The following NOTCH2 variants were observed in gnomAD, a reference collection of about 807,000 sequenced individuals.
The protein encoded by NOTCH2 is neurogenic locus notch homolog protein 2.
A neutral mutation model predicts 235.8 loss-of-function variants in NOTCH2; 29 were observed. The observed-to-expected ratio is 0.12, with a 90% confidence interval of 0.09 to 0.17. The LOEUF is 0.17. NOTCH2 is among the 10% of genes least tolerant of loss of function. NOTCH2 has a pLI of 1.00. For missense variants in NOTCH2, 2,285 were observed against 3,150.2 expected, an observed-to-expected ratio of 0.73 and a Z score of 6.57; for synonymous variants, 1,086 against 1,141.5, an observed-to-expected ratio of 0.95 and a Z score of 0.98.
intron 24 of NOTCH2, among the ~76,000 whole-genome samples, chr1:119,926,140 T>C (rs1649464598): frequency 6.6e-6 from 1 of 152,190 alleles, no homozygotes; most frequent in South Asian, 2.1e-4. Context: ...TGGCCCAATC[T>C]GGGCAGTGAG....
At chr1:119,955,907 AGTT>A (rs1553198325) in intron 12 of NOTCH2, among the ~76,000 whole-genome samples, 1 of 152,176 alleles carries the variant, frequency 6.6e-6, no homozygotes, top group African/African-American at 2.4e-5. Flanking sequence ...CATCACTTTA[AGTT>A]GTTATTTTAA....
At position 120,069,571 on chromosome 1, in the gene NOTCH2, C is replaced by A; in HGVS notation, c.-165G>T. The A allele has an allele frequency of 2.1e-6, 3 of 1,410,584 alleles. No individual in the cohort carries two copies. The highest frequency in any genetic ancestry group is 2.9e-5 in the East Asian group (1 of 34,758). The allele number at this position is 1,410,584 out of a possible 1,614,324, so 87.4% of individuals were successfully genotyped here. A position where few individuals can be genotyped will look rare whatever the true frequency, so the allele number is the denominator to read the frequency against. ...AGCCCAGGCGCAAATGCCTCGACTC[C>A]CCGCGCCCCGAGTCCGCCGCTCCTC... On this transcript the variant is annotated 5_prime_UTR_variant, in exon 1 of 34. Transcript: ENST00000256646.
chr1:119,954,279 T>C (rs1166248619), intron 13 of NOTCH2, among the ~76,000 whole-genome samples: 1 of 152,216 alleles, frequency 6.6e-6, no homozygotes. Context: ...TATCAGGAAA[T>C]GATAGCTTTC....
At chr1:120,039,353 G>A (rs1250121552) in intron 1 of NOTCH2, among the ~76,000 whole-genome samples, 1 of 150,468 alleles carries the variant, frequency 6.6e-6, no homozygotes, top group African/African-American at 2.4e-5. Context: ...CTATTATCAA[G>A]ACAAATTTTG....
intron 1 of NOTCH2, among the ~76,000 whole-genome samples, chr1:120,063,677 T>C (rs1553216612): frequency 6.6e-6 from 1 of 152,142 alleles, no homozygotes; most frequent in African/African-American, 2.4e-5. Context: ...CTGTCTCTAA[T>C]ACTCTCAAAA....
intron 21 of NOTCH2, 71 bp downstream of exon 21, chr1:119,937,211 A>G (rs987065547): frequency 4.8e-6 from 7 of 1,446,532 alleles, no homozygotes; most frequent in Non-Finnish European, 6.8e-6. Flanking sequence ...GCTAAATTCA[A>G]TATATCAGTG....
chr1:119,940,011 G>GT (rs1296298085), intron 19 of NOTCH2, among the ~76,000 whole-genome samples: 1 of 152,198 alleles, frequency 6.6e-6, no homozygotes, highest in Non-Finnish European at 1.5e-5. Flanking sequence ...CTCTGGGGCT[G>GT]TTTCGCCTTC....
chr1:119,933,962 T>C (rs1349968603), intron 22 of NOTCH2, among the ~76,000 whole-genome samples: 1 of 152,242 alleles, frequency 6.6e-6, no homozygotes, highest in Non-Finnish European at 1.5e-5. Flanking sequence ...TCTGTCCCTC[T>C]TCCCTGTACT....
At chr1:119,977,251 T>C (rs1651621191) in intron 5 of NOTCH2, among the ~76,000 whole-genome samples, 1 of 152,016 alleles carries the variant, frequency 6.6e-6, no homozygotes, top group South Asian at 2.1e-4. Context: ...ATAGCAACAG[T>C]ATCTCTATTC....
At position 119,941,745 on chromosome 1, in the gene NOTCH2, T is replaced by C. The variant is rs377647478; in HGVS notation, c.2762A>G (p.Gln921Arg). Residue 921 changes from glutamine to arginine, a missense_variant, in exon 18 of 34, where the codon CAG becomes CGG. Physicochemically the swap from Gln to Arg is conservative, Grantham distance 43 (BLOSUM62 1). This residue lies in a region of NOTCH2 where 1,173 missense variants were observed against 1,515.3 expected (regional missense o/e 0.77). Coordinates refer to ENST00000256646, the MANE Select transcript of NOTCH2 (RefSeq NM_024408.4). ...DIDDCLANPC[Q>R]NGGSCMDGVN... ...TCCATCCATACAGGAACCTCCATTC[T>C]GGCAAGGATCTAAGCCATTACAAAA... 19 of 1,613,262 alleles carry C rather than the reference T, an allele frequency of 1.2e-5. No homozygotes were observed. The highest frequency in any genetic ancestry group is 1.4e-5 in the Non-Finnish European group (16 of 1,179,338).
intron 23 of NOTCH2, among the ~76,000 whole-genome samples, chr1:119,927,236 A>G (rs587661424): frequency 1.6e-3 from 242 of 152,354 alleles, no homozygotes; most frequent in Non-Finnish European, 3.0e-3. Flanking sequence ...ACCACAGAGG[A>G]GACGCAGGGC....
chr1:120,003,751 A>G (rs1315988616), intron 3 of NOTCH2, among the ~76,000 whole-genome samples: 1 of 152,054 alleles, frequency 6.6e-6, no homozygotes, highest in Non-Finnish European at 1.5e-5. Context: ...TAAAACTTAG[A>G]GACCATTTGC....
At chr1:120,033,012 T>C (rs1570767094) in intron 1 of NOTCH2, among the ~76,000 whole-genome samples, 1 of 149,512 alleles carries the variant, frequency 6.7e-6, no homozygotes, top group East Asian at 1.9e-4. Flanking sequence ...CACCACATGA[T>C]CTGGTAATCC....
chr1:119,961,730 G>A (rs1553198987), intron 11 of NOTCH2, among the ~76,000 whole-genome samples: 2 of 152,198 alleles, frequency 1.3e-5, no homozygotes, highest in Non-Finnish European at 2.9e-5. Context: ...AAGCACAGAT[G>A]AGAGAACGCA....
rs369379264 is a variant in NOTCH2 at position 119,943,366 on chromosome 1, C to T, written c.2753-1612G>A. On this transcript the variant is annotated intron_variant, in intron 17 of 33. Coordinates refer to ENST00000256646, the MANE Select transcript of NOTCH2 (RefSeq NM_024408.4). ...GGAAGAACCACCAGAAAGAAGTAGG[C>T]AGAATAATCCCTAGAGGTTTCACTG... Among the ~76,000 whole-genome samples, 3 of 152,004 alleles carry T rather than the reference C, an allele frequency of 2.0e-5. No individual in the cohort carries two copies. The East Asian group carries it at 5.8e-4, about 29-fold the overall frequency.
intron 6 of NOTCH2, among the ~76,000 whole-genome samples, chr1:119,968,827 T>C (rs1651250505): frequency 6.6e-6 from 1 of 152,214 alleles, no homozygotes; most frequent in Admixed American, 6.5e-5. Context: ...GATTTTCCAG[T>C]CTGCAATTAA....
intron 3 of NOTCH2, among the ~76,000 whole-genome samples, chr1:120,001,135 G>A (rs61787015): frequency 5.9e-5 from 9 of 151,920 alleles, no homozygotes; most frequent in Admixed American, 4.6e-4. Flanking sequence ...ACCATAATTC[G>A]GAGGCCTCCC....
intron 2 of NOTCH2, among the ~76,000 whole-genome samples, chr1:120,008,842 G>A (rs1268232552): frequency 7.2e-5 from 11 of 152,124 alleles, no homozygotes; most frequent in Non-Finnish European, 1.0e-4. Flanking sequence ...TTACACTCTT[G>A]GAGTTTACAT....
intron 19 of NOTCH2, among the ~76,000 whole-genome samples, chr1:119,939,569 T>A (rs1297321681): frequency 6.6e-6 from 1 of 152,206 alleles, no homozygotes; most frequent in African/African-American, 2.4e-5. Context: ...AGGAAGGCAA[T>A]CAGACTTATG....
Sources: gnomAD v4.1 joint callset for allele counts (sites outside exome capture counted in the v4.1 genomes callset) on GRCh38, gnomAD v4.1.1 for gene constraint, gnomAD v4.1.1 regional missense constraint, MANE v1.5 for transcripts, NCBI Gene and HGNC (gene_info 2026-07-23, HGNC 2026-07-21) for gene names.